The following RTF1 variants were observed in gnomAD, a reference collection of about 807,000 sequenced individuals.
RTF1 encodes RNA polymerase-associated protein RTF1 homolog.
In RTF1, 10 loss-of-function variants were observed where a neutral mutation model predicts 95.7. The ratio of observed to expected loss-of-function variants is 0.10; its 90% CI spans 0.06 to 0.18. The LOEUF (loss-of-function observed/expected upper bound fraction) is 0.18, where lower values mean the gene tolerates loss of function less well. Among genes scored for constraint, RTF1 ranks in the 10% least tolerant of loss-of-function variants. The pLI is 1.00. For missense variants in RTF1, 458 were observed against 875.6 expected (o/e 0.52, Z 6.02); for synonymous variants, 305 against 311.8 (o/e 0.98, Z 0.23).
intron 17 of RTF1, 29 bp downstream of exon 17, chr15:41,480,354 G>A (rs2050965877): frequency 4.1e-6 from 6 of 1,448,220 alleles, no homozygotes; most frequent in Non-Finnish European, 5.8e-6. Flanking sequence ...GGTGGTGAGG[G>A]CTGAGAACCA....
At chr15:41,430,272 C>T (rs567747386) in intron 1 of RTF1, among the ~76,000 whole-genome samples, 1 of 149,752 alleles carries the variant, frequency 6.7e-6, no homozygotes, top group South Asian at 2.1e-4. Flanking sequence ...TGGTTCACTA[C>T]AACCTCCACC....
At chr15:41,447,344 C>A (rs760234817) in intron 2 of RTF1, among the ~76,000 whole-genome samples, 4 of 152,126 alleles carry the variant, frequency 2.6e-5, no homozygotes, top group Non-Finnish European at 5.9e-5. Flanking sequence ...CAACCAGTCC[C>A]CGCCTTGTGT....
intron 2 of RTF1, among the ~76,000 whole-genome samples, chr15:41,440,787 C>T (rs2050729788): frequency 6.6e-6 from 1 of 151,922 alleles, no homozygotes; most frequent in South Asian, 2.1e-4. Flanking sequence ...TGTGCCTGGC[C>T]AAAAGTTTAT....
chr15:41,453,740 A>G (rs2050799434), intron 3 of RTF1, among the ~76,000 whole-genome samples: 1 of 151,560 alleles, frequency 6.6e-6, no homozygotes, highest in East Asian at 1.9e-4. Flanking sequence ...AAAAAAAAGT[A>G]GGAAAAAAAA....
At chr15:41,426,779 A>ATG (rs1178988605) in intron 1 of RTF1, among the ~76,000 whole-genome samples, 904 of 77,554 alleles carry the variant, frequency 0.012, 9 homozygotes, top group African/African-American at 0.017. Context: ...CGCTACATAT[A>ATG]TATGTGTGTG....
At chr15:41,428,257 CTTTTTTTTTT>C (rs535870983) in intron 1 of RTF1, among the ~76,000 whole-genome samples, 18,778 of 95,002 alleles carry the variant, frequency 0.2, 1,502 homozygotes, top group Non-Finnish European at 0.23. Context: ...ACTGATATCC[CTTTTTTTTTT>C]TTTTTTTTTT....
intron 2 of RTF1, among the ~76,000 whole-genome samples, chr15:41,445,397 C>T (rs1381473664): frequency 1.3e-5 from 2 of 152,132 alleles, no homozygotes; most frequent in African/African-American, 2.4e-5. Context: ...GAAATTCCGA[C>T]ACTCCCAACC....
rs147583492 is a variant in RTF1 at position 41,437,633 on chromosome 15, C to T, written c.199-688C>T. Among the ~76,000 whole-genome samples the T allele has an allele frequency of 5.2e-4, 79 of 152,256 alleles. No homozygotes were observed. The East Asian group carries it at 0.013, about 26-fold the overall frequency. ...TGACTGGACTGAGTTGAGGAGACTT[C>T]AAGTGAGAAGGGAACCATGTGACAG... On this transcript the variant is annotated intron_variant, in intron 1 of 17. Coordinates refer to ENST00000389629, the MANE Select transcript of RTF1 (RefSeq NM_015138.5).
chr15:41,471,581 C>G (rs974482789), intron 8 of RTF1, among the ~76,000 whole-genome samples: 2 of 152,178 alleles, frequency 1.3e-5, no homozygotes, highest in Admixed American at 1.3e-4. Context: ...GAATAATTTT[C>G]TCTATTCTCC....
At chr15:41,438,458 G>T in intron 2 of RTF1, 27 bp downstream of exon 2, 1 of 1,475,320 alleles carries the variant, frequency 6.8e-7, no homozygotes, top group South Asian at 1.2e-5. Context: ...TCGGCTTCTG[G>T]GACCATTAGA....
At chr15:41,430,617 T>C (rs2050664724) in intron 1 of RTF1, among the ~76,000 whole-genome samples, 1 of 151,542 alleles carries the variant, frequency 6.6e-6, no homozygotes, top group African/African-American at 2.4e-5. Flanking sequence ...GGTGCATGCC[T>C]GTAGTCCCAG....
intron 1 of RTF1, among the ~76,000 whole-genome samples, chr15:41,424,969 T>C (rs1460640565): frequency 6.6e-6 from 1 of 151,368 alleles, no homozygotes; most frequent in Non-Finnish European, 1.5e-5. Context: ...AGATCACCAC[T>C]GTATTAGCCT....
intron 1 of RTF1, among the ~76,000 whole-genome samples, chr15:41,425,259 G>A (rs1407392276): frequency 6.6e-6 from 1 of 152,008 alleles, no homozygotes; most frequent in Non-Finnish European, 1.5e-5. Context: ...CTGCCACTGT[G>A]TCCGGCTAAT....
At chr15:41,459,387 AG>A (rs2050836132) in intron 4 of RTF1, among the ~76,000 whole-genome samples, 2 of 152,188 alleles carry the variant, frequency 1.3e-5, no homozygotes, top group South Asian at 4.1e-4. Context: ...AAAAAAAGGG[AG>A]GGGAATTATA....
At chr15:41,478,700 T>C (rs1222393386) in intron 15 of RTF1, 75 bp downstream of exon 15, 8 of 1,224,084 alleles carry the variant, frequency 6.5e-6, no homozygotes, top group Non-Finnish European at 9.6e-6. Flanking sequence ...AGGAAATTAA[T>C]AATGAAGTTA....
chr15:41,448,484 T>C (rs2050773956), intron 2 of RTF1, among the ~76,000 whole-genome samples: 1 of 152,100 alleles, frequency 6.6e-6, no homozygotes, highest in Non-Finnish European at 1.5e-5. Flanking sequence ...CTGAACAATA[T>C]GGTGAGAGAA....
chr15:41,459,824 G>A (rs1190474974), intron 4 of RTF1, among the ~76,000 whole-genome samples: 1 of 152,122 alleles, frequency 6.6e-6, no homozygotes, highest in Non-Finnish European at 1.5e-5. Context: ...ATTTTAAATG[G>A]AAAAGTTTTA....
At chr15:41,473,311 T>C (rs2050924239) in intron 8 of RTF1, among the ~76,000 whole-genome samples, 1 of 151,830 alleles carries the variant, frequency 6.6e-6, no homozygotes, top group South Asian at 2.1e-4. Context: ...TTTTTGTATT[T>C]TTAGTAGAGA....
chr15:41,474,094 C>G (rs924255989), intron 8 of RTF1, among the ~76,000 whole-genome samples: 1 of 152,092 alleles, frequency 6.6e-6, no homozygotes, highest in African/African-American at 2.4e-5. Flanking sequence ...TGAGGTTGGT[C>G]TCAAATTCCT....
Sources: gnomAD v4.1 joint callset for allele counts (sites outside exome capture counted in the v4.1 genomes callset) on GRCh38, gnomAD v4.1.1 for gene constraint, MANE v1.5 for transcripts, NCBI Gene and HGNC (gene_info 2026-07-23, HGNC 2026-07-21) for gene names.